The following COBL variants were observed in gnomAD, a reference collection of about 807,000 sequenced individuals.
COBL encodes the protein cordon-bleu WH2 repeat protein.
In COBL, 51 loss-of-function variants were observed where a neutral mutation model predicts 98.8. The observed-to-expected ratio is 0.52, with a 90% CI of 0.41 to 0.65. The LOEUF (loss-of-function observed/expected upper bound fraction) is 0.65, where lower values mean the gene tolerates loss of function less well. Among genes scored for constraint, COBL ranks in the 30% least tolerant of loss-of-function variants. The pLI is 0.00. For missense variants in COBL, 1,617 were observed against 1,617.5 expected (o/e 1.00, Z 0.01); for synonymous variants, 634 against 651.7 (o/e 0.97, Z 0.41).
At position 51,310,258 on chromosome 7, in the gene COBL, C is replaced by T. The variant is rs151110704; in HGVS notation, c.41+6335G>A. Among the ~76,000 whole-genome samples, 903 of 152,250 alleles carry T rather than the reference C, an allele frequency of 5.9e-3. 3 individuals carry two copies. Among genetic ancestry groups the T allele is most frequent in the African/African-American group, 0.021 (869 of 41,526 alleles). On this transcript the variant is annotated intron_variant, in intron 1 of 12. Transcript: ENST00000265136. Reference sequence around the variant, plus strand: ...CCTGGCAGAAGCATCATCAGACAGCCCTGGGCTGAAAAAGTCTGGAGAGGC... The same window carrying T: ...CCTGGCAGAAGCATCATCAGACAGCTCTGGGCTGAAAAAGTCTGGAGAGGC...
chr7:51,118,741 G>C (rs1266154971), intron 6 of COBL, among the ~76,000 whole-genome samples: 5 of 152,172 alleles, frequency 3.3e-5, no homozygotes, highest in Admixed American at 6.5e-5. Context: ...AGGTTGTATA[G>C]GTTAGTGTTG....
intron 1 of COBL, among the ~76,000 whole-genome samples, chr7:51,297,477 C>T (rs1044021579): frequency 6.0e-5 from 9 of 150,950 alleles, no homozygotes; most frequent in Non-Finnish European, 5.9e-5. Flanking sequence ...CTGCAACCTC[C>T]GTCTCCCGGG....
rs181489984 is a variant in COBL at position 51,307,961 on chromosome 7, C to G, written c.41+8632G>C. On this transcript the variant is annotated intron_variant, in intron 1 of 12. Transcript: ENST00000265136. ...GTCAGAGCGCAGATAACCATTATCA[C>G]GTAATAAGTGGTTTAGGCAGGAGCA... is the stretch of plus-strand genomic sequence containing the variant. Among the ~76,000 whole-genome samples, 10 of 152,298 alleles carry G rather than the reference C, an allele frequency of 6.6e-5. No individual in the cohort carries two copies. The East Asian group carries it at 1.7e-3, about 26-fold the overall frequency.
intron 12 of COBL, chr7:51,018,265 G>GTGGTGATGGTGA (rs58597430): frequency 4.0e-5 from 6 of 150,584 alleles, no homozygotes; most frequent in Admixed American, 4.0e-4. Context: ...GGTGGTGGTG[G>GTGGTGATGGTGA]TGGTGATGGT....
chr7:51,212,404 G>A (rs550158529), intron 2 of COBL, among the ~76,000 whole-genome samples: 1 of 152,248 alleles, frequency 6.6e-6, no homozygotes, highest in Admixed American at 6.5e-5. Context: ...GACTGCTTGG[G>A]GAACACACAA....
chr7:51,112,904 T>A (rs1193077044), intron 6 of COBL, among the ~76,000 whole-genome samples: 1 of 152,224 alleles, frequency 6.6e-6, no homozygotes, highest in African/African-American at 2.4e-5. Flanking sequence ...AAGTATCATC[T>A]TCTTCCCATA....
At chr7:51,108,766 C>T (rs1796545308) in intron 6 of COBL, among the ~76,000 whole-genome samples, 1 of 152,110 alleles carries the variant, frequency 6.6e-6, no homozygotes, top group Admixed American at 6.5e-5. Flanking sequence ...AGCTGCTTCC[C>T]CCAAACTCAG....
Position 51,029,042 on chromosome 7 carries a change from G to C in COBL, c.2054C>G (p.Pro685Arg), listed in dbSNP as rs767554676. ...TTGGCCTCGTTGGTGCCATGATGTT[G>C]GTGCCAAGGCAGCGTTTTTATCGTT... ...DSNDKNAALA[P>R]TSWHQRGQNP... The change falls in exon 10 of 13, where the codon CCA (proline) becomes CGA (arginine). Residue 685 changes from proline (P) to arginine (R), a missense_variant. Pro to Arg is a moderately radical substitution (Grantham distance 103). This residue lies in a region of COBL where 1,304 missense variants were observed against 1,282.0 expected (regional missense o/e 1.02). Transcript: ENST00000265136. 1.7e-5 allele frequency: 28 copies of C among 1,614,040 alleles called. No homozygotes were observed. The highest frequency in any genetic ancestry group is 2.4e-5 in the Non-Finnish European group (28 of 1,180,040).
At position 51,028,162 on chromosome 7, in the gene COBL, C is replaced by T; in HGVS notation, c.2934G>A (p.Leu978=). The change falls in exon 10 of 13, where the codon CTG becomes CTA. Residue 978 remains leucine, a synonymous_variant. Coordinates refer to ENST00000265136, the MANE Select transcript of COBL (RefSeq NM_015198.5). ...CACGATCCCTCTGGGAAGACTGAAC[C>T]AGTGAGAAACAGGAGCTTCTGTGGA... The part of the protein sequence containing the change: ...AAIHRSSCFS[L]VQSSQRDRVS... 1 of 1,614,254 alleles carries T rather than the reference C, an allele frequency of 6.2e-7. No homozygotes were observed. Among genetic ancestry groups the T allele is most frequent in the Non-Finnish European group, 8.5e-7 (1 of 1,180,044 alleles).
At chr7:51,143,817 A>AT (rs1197167273) in intron 5 of COBL, among the ~76,000 whole-genome samples, 3 of 152,182 alleles carry the variant, frequency 2.0e-5, no homozygotes, top group Admixed American at 2.0e-4. Flanking sequence ...AGTAGGATTT[A>AT]TTTTTTAAGA....
chr7:51,112,775 G>A (rs1162213165), intron 6 of COBL, among the ~76,000 whole-genome samples: 2 of 152,138 alleles, frequency 1.3e-5, no homozygotes, highest in African/African-American at 2.4e-5. Context: ...AACGCTGCAG[G>A]CAGGAAGGCA....
At chr7:51,145,134 C>T (rs1784901666) in intron 5 of COBL, among the ~76,000 whole-genome samples, 1 of 151,878 alleles carries the variant, frequency 6.6e-6, no homozygotes, top group South Asian at 2.1e-4. Flanking sequence ...CCTGCCTCAG[C>T]CTCCTGAGTA....
At chr7:51,263,540 CT>C (rs1012185806) in intron 1 of COBL, among the ~76,000 whole-genome samples, 184 of 147,588 alleles carry the variant, frequency 1.2e-3, no homozygotes, top group Admixed American at 2.4e-3. Context: ...AAAAAAAGTT[CT>C]TTTTTTTTTT....
At chr7:51,304,246 T>C (rs1802255878) in intron 1 of COBL, among the ~76,000 whole-genome samples, 5 of 152,138 alleles carry the variant, frequency 3.3e-5, no homozygotes, top group Admixed American at 2.6e-4. Context: ...ATGACCTCTA[T>C]TTAGAAGTGG....
intron 1 of COBL, among the ~76,000 whole-genome samples, chr7:51,240,579 C>G (rs1366187970): frequency 2.0e-5 from 3 of 151,984 alleles, no homozygotes; most frequent in Admixed American, 2.0e-4. Context: ...AGAGTTTGAC[C>G]CTTTTTGCCC....
intron 7 of COBL, chr7:51,071,300 TAATTA>T (rs1792529189): frequency 6.6e-6 from 1 of 152,226 alleles, no homozygotes; most frequent in African/African-American, 2.4e-5. Context: ...ATGTTTCACC[TAATTA>T]ATTTATCTGA....
At chr7:51,048,784 C>T (rs905817590) in intron 7 of COBL, among the ~76,000 whole-genome samples, 11 of 152,142 alleles carry the variant, frequency 7.2e-5, no homozygotes. Context: ...ACCAAAATTA[C>T]ATAAATGTTC....
chr7:51,156,294 C>T, intron 5 of COBL: 1 of 985,172 alleles, frequency 1.0e-6, no homozygotes, highest in Non-Finnish European at 1.2e-6. Context: ...TCTTTTTTAT[C>T]TCCCCATGAT....
intron 1 of COBL, among the ~76,000 whole-genome samples, chr7:51,285,359 A>G (rs1800254420): frequency 6.6e-6 from 1 of 152,112 alleles, no homozygotes; most frequent in South Asian, 2.1e-4. Flanking sequence ...CATACATAGC[A>G]AATCCCAAGG....
Sources: gnomAD v4.1 joint callset for allele counts (sites outside exome capture counted in the v4.1 genomes callset) on GRCh38, gnomAD v4.1.1 for gene constraint, gnomAD v4.1.1 regional missense constraint, MANE v1.5 for transcripts, NCBI Gene and HGNC (gene_info 2026-07-23, HGNC 2026-07-21) for gene names.